The following ANK1 variants were observed in gnomAD, a reference collection of about 807,000 sequenced individuals.
ANK1 encodes the protein ankyrin-1.
In ANK1, 51 loss-of-function variants were observed where a neutral mutation model predicts 210.4. The observed-to-expected ratio is 0.24, with a 90% confidence interval of 0.19 to 0.31. The LOEUF (loss-of-function observed/expected upper bound fraction) is 0.31. Among genes scored for constraint, ANK1 ranks in the 10% least tolerant of loss-of-function variants. The pLI, the probability that ANK1 is intolerant of heterozygous loss-of-function variation, is 1.00. For missense variants in ANK1, 2,051 were observed against 2,504.4 expected, an observed-to-expected ratio of 0.82 and a Z score of 3.86; for synonymous variants, 967 against 1,025.9, an observed-to-expected ratio of 0.94 and a Z score of 1.10.
chr8:41,857,382 G>A (rs961955571), intron 1 of ANK1, among the ~76,000 whole-genome samples: 3 of 151,294 alleles, frequency 2.0e-5, no homozygotes, highest in Non-Finnish European at 4.4e-5. Context: ...TGGATCAACC[G>A]AGGTCAGGAG....
At chr8:41,749,752 A>C (rs1010116706) in intron 2 of ANK1, among the ~76,000 whole-genome samples, 14 of 152,098 alleles carry the variant, frequency 9.2e-5, no homozygotes, top group African/African-American at 3.4e-4. Flanking sequence ...AGCTGGGATT[A>C]CAGGCATGCG....
intron 1 of ANK1, among the ~76,000 whole-genome samples, chr8:41,886,352 A>G (rs1450996814): frequency 2.0e-5 from 3 of 152,296 alleles, no homozygotes; most frequent in East Asian, 3.9e-4. Flanking sequence ...TGGGGTGGGT[A>G]TTATTCTCTC....
At chr8:41,754,316 C>T (rs1252904285) in intron 2 of ANK1, among the ~76,000 whole-genome samples, 1 of 152,156 alleles carries the variant, frequency 6.6e-6, no homozygotes, top group Non-Finnish European at 1.5e-5. Context: ...TGTGTTCTTA[C>T]ATATAAATTT....
chr8:41,813,479 C>T (rs1802806445), intron 1 of ANK1, among the ~76,000 whole-genome samples: 1 of 152,174 alleles, frequency 6.6e-6, no homozygotes. Context: ...ATAGTTTCTA[C>T]TGAAACATGG....
At chr8:41,798,595 TCAGTGAGAA>T (rs1849294939), upstream of ANK1, among the ~76,000 whole-genome samples, 2 of 152,198 alleles carry the variant, frequency 1.3e-5, no homozygotes, top group Non-Finnish European at 2.9e-5. Flanking sequence ...AATGGCTTTA[TCAGTGAGAA>T]CACCATATCC....
chr8:41,750,714 A>G (rs1313486180), intron 2 of ANK1, among the ~76,000 whole-genome samples: 1 of 152,220 alleles, frequency 6.6e-6, no homozygotes, highest in Non-Finnish European at 1.5e-5. Flanking sequence ...GCAGACACAT[A>G]CATGCATATG....
At chr8:41,699,374 C>G in intron 23 of ANK1, 78 bp downstream of exon 23, 1 of 1,361,460 alleles carries the variant, frequency 7.3e-7, no homozygotes, top group Non-Finnish European at 1.0e-6. Flanking sequence ...TGTGTCCTTC[C>G]TCCCTCTGGA....
intron 24 of ANK1, among the ~76,000 whole-genome samples, chr8:41,697,315 C>T (rs1022053570): frequency 3.3e-5 from 5 of 152,178 alleles, no homozygotes; most frequent in African/African-American, 1.2e-4. Context: ...GGTAACGCTG[C>T]AACTACAGGG....
chr8:41,785,560 T>C (rs1244202704), intron 1 of ANK1, among the ~76,000 whole-genome samples: 1 of 152,136 alleles, frequency 6.6e-6, no homozygotes, highest in African/African-American at 2.4e-5. Flanking sequence ...ACTATGGGGA[T>C]GAAATGCGCT....
At chr8:41,703,450 A>ATATATATATATATATATATATT (rs59985416) in intron 20 of ANK1, among the ~76,000 whole-genome samples, 4 of 58,818 alleles carry the variant, frequency 6.8e-5, no homozygotes, top group Admixed American at 2.4e-4. Flanking sequence ...ATATATATAT[A>ATATATATATATATATATATATT]TTTTTTTTTT....
In ANK1 at chr8:41,655,562, T is replaced by C; in HGVS notation, c.*228A>G. On this transcript the variant is annotated 3_prime_UTR_variant, in exon 43 of 43. Transcript: ENST00000289734. ...TCAGCTGTCATTGCAAGAGGCAGGA[T>C]TGAAGCCTGGAGGTCATGCGTCTAC... The C allele has an allele frequency of 1.3e-6, 1 of 778,334 alleles. No homozygotes were observed. Among genetic ancestry groups the C allele is most frequent in the Non-Finnish European group, 2.1e-6 (1 of 468,950 alleles). 48.2% of individuals were successfully genotyped at this position (778,334 alleles called of 1,614,324 possible).
chr8:41,831,691 A>AAAGG (rs1209918030), intron 1 of ANK1, among the ~76,000 whole-genome samples: 12 of 152,086 alleles, frequency 7.9e-5, no homozygotes, highest in South Asian at 2.1e-4. Context: ...AAAGGAAAGA[A>AAAGG]AAGGAAGGAA....
chr8:41,686,102 T>C, intron 36 of ANK1, 50 bp downstream of exon 36: 1 of 1,613,498 alleles, frequency 6.2e-7, no homozygotes, highest in Non-Finnish European at 8.5e-7. Flanking sequence ...AGAACTAGTT[T>C]GGTGGGGAGG....
intron 2 of ANK1, among the ~76,000 whole-genome samples, chr8:41,745,177 G>A (rs1329557020): frequency 2.0e-5 from 3 of 152,174 alleles, no homozygotes; most frequent in African/African-American, 7.2e-5. Flanking sequence ...GGGGCGGGGA[G>A]ATGTGAAGGA....
At chr8:41,842,679 G>A (rs1458840407) in intron 1 of ANK1, among the ~76,000 whole-genome samples, 1 of 152,154 alleles carries the variant, frequency 6.6e-6, no homozygotes, top group Admixed American at 6.5e-5. Context: ...CAGATGTGGA[G>A]GGGCCTCCCG....
At chr8:41,702,986 A>ATTT (rs566591083) in intron 20 of ANK1, among the ~76,000 whole-genome samples, 3 of 147,932 alleles carry the variant, frequency 2.0e-5, no homozygotes, top group Non-Finnish European at 4.5e-5. Context: ...CACTCAGCTA[A>ATTT]TTTTTTTTTT....
intron 1 of ANK1, among the ~76,000 whole-genome samples, chr8:41,874,148 C>T (rs983947750): frequency 6.6e-6 from 1 of 152,184 alleles, no homozygotes; most frequent in Non-Finnish European, 1.5e-5. Context: ...TTGGATGTCC[C>T]GCAGGTAGGT....
At chr8:41,801,357 T>C (rs1849833985), upstream of ANK1, among the ~76,000 whole-genome samples, 1 of 152,210 alleles carries the variant, frequency 6.6e-6, no homozygotes, top group Non-Finnish European at 1.5e-5. Flanking sequence ...CCAGTGCACG[T>C]GTGTGAGATC....
intron 39 of ANK1, among the ~76,000 whole-genome samples, chr8:41,667,708 C>G (rs747363733): frequency 6.6e-5 from 10 of 152,162 alleles, no homozygotes; most frequent in East Asian, 1.9e-4. Flanking sequence ...GGAGACTTCT[C>G]TCTATCCCAG....
Sources: allele counts gnomAD v4.1 joint callset (sites outside exome capture counted in the v4.1 genomes callset), GRCh38; gene constraint gnomAD v4.1.1; transcripts MANE v1.5; gene names NCBI Gene and HGNC (gene_info 2026-07-23, HGNC 2026-07-21).